Variants in GIPC2 observed in about 807,000 individuals in gnomAD.
The protein encoded by GIPC2 is GIPC PDZ domain containing family member 2.
GIPC2 carries 30 observed loss-of-function variants against 30.6 expected under a neutral mutation model. That is an observed-to-expected ratio of 0.98 (90% CI 0.73 to 1.33). The LOEUF (loss-of-function observed/expected upper bound fraction) is 1.33. Ranked by LOEUF, GIPC2 falls within the 40% of genes most tolerant of loss-of-function variation. The pLI, the probability that GIPC2 is intolerant of heterozygous loss-of-function variation, is 0.00. For synonymous variants in GIPC2, 167 were observed against 150.0 expected (o/e 1.11, Z -0.83); for missense variants, 414 against 390.3 (o/e 1.06, Z -0.51).
intron 1 of GIPC2, among the ~76,000 whole-genome samples, chr1:78,056,822 A>G (rs745353908): frequency 2.0e-5 from 3 of 152,148 alleles, no homozygotes; most frequent in Non-Finnish European, 4.4e-5. Flanking sequence ...TAGTTTTTTC[A>G]TTTATGTGCT....
chr1:78,063,176 A>G (rs892993510), intron 1 of GIPC2, among the ~76,000 whole-genome samples: 1 of 152,214 alleles, frequency 6.6e-6, no homozygotes, highest in African/African-American at 2.4e-5. Context: ...TTGGATTTTA[A>G]TATCCAAGTA....
chr1:78,056,737 C>G (rs1269264732), intron 1 of GIPC2, among the ~76,000 whole-genome samples: 2 of 152,184 alleles, frequency 1.3e-5, no homozygotes, highest in East Asian at 3.8e-4. Flanking sequence ...TCCTGAGAAC[C>G]TTCCATGTGC....
rs1475829166 is a variant in GIPC2 at position 78,136,769 on chromosome 1, C to G, written c.*1026C>G. The stretch of plus-strand genomic sequence containing the variant: ...TATTATTTTAGAGTTCTAATACACT[C>G]TAAATTAAAGAGAAAATTGAGAGTA... On this transcript the variant is annotated 3_prime_UTR_variant, in exon 6 of 6. Coordinates refer to ENST00000370759, the MANE Select transcript of GIPC2 (RefSeq NM_017655.6). 6.6e-6 allele frequency: 1 copy of G among 151,774 alleles called. No homozygotes were observed. The highest frequency in any genetic ancestry group is 1.5e-5 in the Non-Finnish European group (1 of 67,904). The allele number at this position is 151,774 out of a possible 1,614,324, so 9.4% of individuals were successfully genotyped here.
At chr1:78,123,837 A>G (rs1662731052) in intron 4 of GIPC2, among the ~76,000 whole-genome samples, 1 of 152,340 alleles carries the variant, frequency 6.6e-6, no homozygotes. Context: ...ATACCTGTTA[A>G]TTTGCATAGC....
intron 5 of GIPC2, among the ~76,000 whole-genome samples, 162 bp downstream of exon 5, chr1:78,126,124 T>TA (rs1258083047): frequency 6.6e-6 from 1 of 152,242 alleles, no homozygotes; most frequent in Non-Finnish European, 1.5e-5. Context: ...ACCTGTTCCT[T>TA]ACCGCTTTCT....
At chr1:78,045,672 C>T (rs770315727), upstream of GIPC2, 135 of 985,364 alleles carry the variant, frequency 1.4e-4, no homozygotes, top group Non-Finnish European at 1.6e-4. Flanking sequence ...AAAGTCCAGA[C>T]GTACGGACCC....
At position 78,046,334 on chromosome 1, in the gene GIPC2, G is replaced by A. The variant is rs750757762; in HGVS notation, c.240G>A (p.Glu80=). The change falls in exon 1 of 6, where the codon GAG becomes GAA. Residue 80 remains glutamate, a splice_region_variant and synonymous_variant. Coordinates refer to ENST00000370759, the MANE Select transcript of GIPC2 (RefSeq NM_017655.6). ...GCGCGTTTGAAATCTCGCCGTCGGAGGTAAGGCGCCAGGTGCTCAGGCTCT... is the reference window on the plus strand; with the variant it reads ...GCGCGTTTGAAATCTCGCCGTCGGAAGTAAGGCGCCAGGTGCTCAGGCTCT... The part of the protein sequence containing the change: ...IAGAFEISPS[E]ILYCTLNTPK... 7 of 1,609,150 alleles carry A rather than the reference G, an allele frequency of 4.4e-6. No homozygotes were observed. The highest frequency in any genetic ancestry group is 3.3e-5 in the South Asian group (3 of 90,708).
At chr1:78,096,633 G>A (rs184135400) in intron 3 of GIPC2, among the ~76,000 whole-genome samples, 88 of 151,798 alleles carry the variant, frequency 5.8e-4, no homozygotes, top group Admixed American at 1.7e-3. Context: ...AGCTATTATT[G>A]TTCCATGATT....
At chr1:78,082,359 A>T (rs1401289887) in intron 2 of GIPC2, among the ~76,000 whole-genome samples, 2 of 152,200 alleles carry the variant, frequency 1.3e-5, no homozygotes, top group Non-Finnish European at 2.9e-5. Context: ...ACCATTAAAT[A>T]ATCTTAGGGA....
chr1:78,115,097 A>G (rs1462151996), intron 3 of GIPC2, among the ~76,000 whole-genome samples: 2 of 152,192 alleles, frequency 1.3e-5, no homozygotes, highest in African/African-American at 4.8e-5. Context: ...TTGGGCAGGG[A>G]TGATACAACC....
intron 3 of GIPC2, among the ~76,000 whole-genome samples, chr1:78,114,239 G>A (rs1662526707): frequency 6.6e-6 from 1 of 152,156 alleles, no homozygotes; most frequent in South Asian, 2.1e-4. Flanking sequence ...TGTATCCACT[G>A]CATCCCTGTC....
intron 3 of GIPC2, among the ~76,000 whole-genome samples, chr1:78,114,806 T>A (rs1021635580): frequency 6.6e-6 from 1 of 152,186 alleles, no homozygotes; most frequent in Admixed American, 6.5e-5. Flanking sequence ...ATTGGGTGAT[T>A]ATGATGTGTC....
chr1:78,068,624 C>G (rs1661563712), intron 1 of GIPC2, among the ~76,000 whole-genome samples: 1 of 152,090 alleles, frequency 6.6e-6, no homozygotes, highest in South Asian at 2.1e-4. Context: ...AAACTGGGAC[C>G]TAGAGTTATC....
At chr1:78,102,201 T>G (rs1307236246) in intron 3 of GIPC2, among the ~76,000 whole-genome samples, 1 of 152,222 alleles carries the variant, frequency 6.6e-6, no homozygotes, top group Non-Finnish European at 1.5e-5. Flanking sequence ...TTATATCTTC[T>G]TTTAGAAGAT....
intron 1 of GIPC2, among the ~76,000 whole-genome samples, chr1:78,076,291 G>A (rs1039760346): frequency 2.6e-5 from 4 of 152,208 alleles, no homozygotes; most frequent in African/African-American, 9.6e-5. Flanking sequence ...AACAATTCAA[G>A]GCCCTCCATC....
intron 1 of GIPC2, among the ~76,000 whole-genome samples, chr1:78,057,986 C>T (rs1010148438): frequency 6.6e-6 from 1 of 152,090 alleles, no homozygotes; most frequent in Non-Finnish European, 1.5e-5. Context: ...GAAAAAAGGA[C>T]CTAGAAGCTT....
intron 5 of GIPC2, among the ~76,000 whole-genome samples, chr1:78,130,483 T>C (rs1222361332): frequency 1.3e-5 from 2 of 152,350 alleles, no homozygotes; most frequent in East Asian, 3.9e-4. Context: ...AATGAAGTTT[T>C]AGAAATTTTC....
intron 2 of GIPC2, chr1:78,091,854 T>G (rs879166671): frequency 3.8e-6 from 3 of 779,606 alleles, no homozygotes; most frequent in Non-Finnish European, 7.2e-6. Flanking sequence ...GAGAAAGATG[T>G]AAGAATCTTG....
chr1:78,074,964 A>C (rs773336617), intron 1 of GIPC2, among the ~76,000 whole-genome samples: 27 of 152,350 alleles, frequency 1.8e-4, no homozygotes, highest in Middle Eastern at 3.4e-3. Context: ...GATACAAGGC[A>C]TAATGATTCT....
Sources: allele counts gnomAD v4.1 joint callset (sites outside exome capture counted in the v4.1 genomes callset), GRCh38; gene constraint gnomAD v4.1.1; transcripts MANE v1.5; gene names NCBI Gene and HGNC (gene_info 2026-07-23, HGNC 2026-07-21).